Variants in TIGAR observed in about 807,000 individuals in gnomAD.
The protein encoded by TIGAR is TP53 induced glycolysis regulatory phosphatase.
In TIGAR, 7 loss-of-function variants were observed where a neutral mutation model predicts 17.9. The observed-to-expected ratio is 0.39, with a 90% CI of 0.22 to 0.73. TIGAR has a LOEUF of 0.73. TIGAR is among the 30% of genes least tolerant of loss of function. The probability of loss-of-function intolerance (pLI) is 0.42; values close to 1 mark genes in which losing one functional copy is unlikely to be tolerated. For missense variants in TIGAR, 258 were observed against 327.4 expected (o/e 0.79, Z 1.64); for synonymous variants, 94 against 108.6 (o/e 0.87, Z 0.84).
chr12:4,338,084 C>A (rs1036541270), intron 3 of TIGAR, among the ~76,000 whole-genome samples: 1 of 151,964 alleles, frequency 6.6e-6, no homozygotes, highest in African/African-American at 2.4e-5. Context: ...GAGCCAAGAT[C>A]GTGCCGTTGC....
chr12:4,337,243 T>G, intron 3 of TIGAR, 83 bp downstream of exon 3: 1 of 1,010,398 alleles, frequency 9.9e-7, no homozygotes, highest in Non-Finnish European at 1.4e-6. Context: ...CTCTGTTCAC[T>G]GCAACCTCCA....
In TIGAR at chr12:4,321,326, G is replaced by T; in HGVS notation, c.32+23G>T. On this transcript the variant is annotated intron_variant, in intron 1 of 5. Transcript: ENST00000179259. This position sits in a 1 kb window ranked among gnomAD's most constrained non-coding sequence, Gnocchi z 5.2. The stretch of plus-strand genomic sequence containing the variant: ...GCAGTGAGTATGGCTGTGGCAGGAT[G>T]TCTTTCTCTCTCTCTTCCTTGAGTG... The T allele has an allele frequency of 3.7e-6, 6 of 1,600,568 alleles. No individual in the cohort carries two copies. The highest frequency in any genetic ancestry group is 5.1e-6 in the Non-Finnish European group (6 of 1,179,714).
At chr12:4,345,902 C>A (rs1223423277) in intron 3 of TIGAR, among the ~76,000 whole-genome samples, 1 of 152,114 alleles carries the variant, frequency 6.6e-6, no homozygotes, top group Non-Finnish European at 1.5e-5. Flanking sequence ...AGAACTCAAA[C>A]AAATTTGCAA....
At chr12:4,338,977 C>CAAA (rs1192832105) in intron 3 of TIGAR, among the ~76,000 whole-genome samples, 23 of 100,474 alleles carry the variant, frequency 2.3e-4, no homozygotes, top group Non-Finnish European at 3.0e-4. Flanking sequence ...CTTTGTCTCA[C>CAAA]AAAAAAAAAA....
At chr12:4,341,285 G>C (rs983023207) in intron 3 of TIGAR, among the ~76,000 whole-genome samples, 4 of 152,014 alleles carry the variant, frequency 2.6e-5, no homozygotes, top group African/African-American at 9.7e-5. Context: ...GAGGGGGGGC[G>C]GTTCCAAGAT....
At chr12:4,327,306 G>A (rs149249386) in intron 1 of TIGAR, among the ~76,000 whole-genome samples, 3 of 152,064 alleles carry the variant, frequency 2.0e-5, no homozygotes, top group African/African-American at 7.2e-5. Flanking sequence ...CTATTTGAGA[G>A]GCTGAAGCAG....
chr12:4,348,721 G>A (rs1235872775), intron 3 of TIGAR, among the ~76,000 whole-genome samples: 1 of 152,196 alleles, frequency 6.6e-6, no homozygotes, highest in Non-Finnish European at 1.5e-5. Flanking sequence ...AAAACAGTAT[G>A]ATGATGATGT....
At chr12:4,333,035 T>A (rs1439746052) in intron 2 of TIGAR, among the ~76,000 whole-genome samples, 3 of 152,238 alleles carry the variant, frequency 2.0e-5, no homozygotes, top group Admixed American at 2.0e-4. Flanking sequence ...TATACAAGTT[T>A]AAATGATTAC....
intron 3 of TIGAR, among the ~76,000 whole-genome samples, chr12:4,345,257 A>G (rs1283249965): frequency 5.3e-5 from 8 of 152,282 alleles, no homozygotes; most frequent in Non-Finnish European, 8.8e-5. Context: ...GGAAAAAACT[A>G]CTTTAAAGTT....
chr12:4,332,580 G>T (rs1466802114), intron 2 of TIGAR, among the ~76,000 whole-genome samples: 1 of 152,144 alleles, frequency 6.6e-6, no homozygotes, highest in Non-Finnish European at 1.5e-5. Context: ...GTTTTTGTTT[G>T]CATGCCCGTA....
rs916103690 is a variant in TIGAR at position 4,328,879 on chromosome 12, C to T, written c.33-2401C>T. On this transcript the variant is annotated intron_variant, in intron 1 of 5. Coordinates refer to ENST00000179259, the MANE Select transcript of TIGAR (RefSeq NM_020375.3). ...CGTGAGCCACCGTGCCTGGCCAGTTCTGTGTAATTTTATTTCTTTATCATA... is the reference window on the plus strand; with the variant it reads ...CGTGAGCCACCGTGCCTGGCCAGTTTTGTGTAATTTTATTTCTTTATCATA... Among the ~76,000 whole-genome samples, 3 of 152,212 alleles carry T rather than the reference C, an allele frequency of 2.0e-5. No homozygotes were observed. The East Asian group carries it at 5.8e-4, about 29-fold the overall frequency.
Position 4,325,756 on chromosome 12 carries a change from AAAAG to A in TIGAR, c.32+4459_32+4462del, listed in dbSNP as rs773842450. 3.3e-3 allele frequency among the ~76,000 whole-genome samples: 508 copies of A among 151,846 alleles called. 2 individuals are homozygous for A. The highest frequency in any genetic ancestry group is 5.7e-3 in the Non-Finnish European group (390 of 67,916). On this transcript the variant is annotated intron_variant, in intron 1 of 5. Transcript: ENST00000179259. ...AAACTCGTCTCAAAAAAAAAAAAAA[AAAAG>A]AAAGACCACCAAAAGTCTTGTGTTA...
intron 3 of TIGAR, among the ~76,000 whole-genome samples, chr12:4,346,442 C>A (rs936852570): frequency 1.3e-5 from 2 of 152,158 alleles, no homozygotes; most frequent in African/African-American, 4.8e-5. Flanking sequence ...AGGATGAGTT[C>A]ATGTCCTCTG....
chr12:4,329,649 T>C (rs772880553), intron 1 of TIGAR, among the ~76,000 whole-genome samples: 16 of 152,182 alleles, frequency 1.1e-4, no homozygotes, highest in Non-Finnish European at 1.9e-4. Flanking sequence ...AAATAATCTT[T>C]TAAATATGAG....
intron 3 of TIGAR, among the ~76,000 whole-genome samples, chr12:4,348,242 T>G (rs1181110746): frequency 1.3e-5 from 2 of 152,020 alleles, no homozygotes; most frequent in Non-Finnish European, 2.9e-5. Context: ...GCAGAGAGAA[T>G]GGGAGGAAGA....
At position 4,356,333 on chromosome 12, in the gene TIGAR, T is replaced by C. The variant is rs1445950879; in HGVS notation, c.*3642T>C. 1.3e-5 allele frequency among the ~76,000 whole-genome samples: 2 copies of C among 152,164 alleles called. No homozygotes were observed. Among genetic ancestry groups the C allele is most frequent in the Non-Finnish European group, 1.5e-5 (1 of 68,042 alleles). On this transcript the variant is annotated 3_prime_UTR_variant, in exon 6 of 6. Transcript: ENST00000179259. ...AATGTCATAGATCTCTCATTTTGCC[T>C]GAGTCTTTTATGCAATGATATTTTA...
intron 2 of TIGAR, among the ~76,000 whole-genome samples, chr12:4,334,019 A>G (rs1348942987): frequency 6.8e-6 from 1 of 148,020 alleles, no homozygotes; most frequent in Non-Finnish European, 1.5e-5. Flanking sequence ...TCTTTTTTTA[A>G]TCTTACCTGC....
chr12:4,338,240 C>T lies in TIGAR; in HGVS notation c.192+1080C>T, dbSNP rs1864682226. 2.6e-5 allele frequency among the ~76,000 whole-genome samples: 4 copies of T among 152,194 alleles called. No homozygotes were observed. In the South Asian group the frequency reaches 8.3e-4, roughly 31 times the overall value. Reference sequence around the variant, plus strand: ...AGGTATTGTTGGAATTTCATCTCCCCTATAAACAATTAGAAAATGTGGCAA... The same window carrying T: ...AGGTATTGTTGGAATTTCATCTCCCTTATAAACAATTAGAAAATGTGGCAA... On this transcript the variant is annotated intron_variant, in intron 3 of 5. Coordinates refer to ENST00000179259, the MANE Select transcript of TIGAR (RefSeq NM_020375.3).
intron 1 of TIGAR, 133 bp from the exon 2 acceptor site, chr12:4,331,147 T>C (rs1864599525): frequency 1.3e-6 from 1 of 773,002 alleles, no homozygotes; most frequent in South Asian, 1.5e-5. Flanking sequence ...TTTTTACAGG[T>C]TGGATTATGA....
Sources: allele counts gnomAD v4.1 joint callset (sites outside exome capture counted in the v4.1 genomes callset), GRCh38; gene constraint gnomAD v4.1.1; non-coding constraint Gnocchi (gnomAD v3.1); transcripts MANE v1.5; gene names NCBI Gene and HGNC (gene_info 2026-07-23, HGNC 2026-07-21).